CEP170: variants seen among roughly 807,000 people sequenced by gnomAD.
CEP170 encodes the protein centrosomal protein of 170 kDa.
CEP170 carries 21 observed loss-of-function variants against 151.9 expected under a neutral mutation model. That is an observed-to-expected ratio of 0.14 (90% CI 0.10 to 0.20). The LOEUF (loss-of-function observed/expected upper bound fraction) is 0.20. Ranked by LOEUF, CEP170 falls within the 10% of genes least tolerant of loss-of-function variation. The pLI is 1.00. For missense variants in CEP170, 964 were observed against 1,892.9 expected (o/e 0.51, Z 9.11); for synonymous variants, 356 against 648.8 (o/e 0.55, Z 6.86).
chr1:243,153,338 A>G (rs1298186443), intron 14 of CEP170, among the ~76,000 whole-genome samples: 1 of 152,232 alleles, frequency 6.6e-6, no homozygotes, highest in African/African-American at 2.4e-5. Context: ...TCGATAAGCC[A>G]GCGGCAGGGT....
intron 13 of CEP170, among the ~76,000 whole-genome samples, chr1:243,160,012 C>T (rs1005782405): frequency 1.3e-5 from 2 of 152,066 alleles, no homozygotes; most frequent in Admixed American, 1.3e-4. Context: ...TGATCTCGAA[C>T]TCCTGACATC....
intron 13 of CEP170, among the ~76,000 whole-genome samples, chr1:243,162,020 A>C (rs1257084307): frequency 6.6e-6 from 1 of 152,240 alleles, no homozygotes; most frequent in Non-Finnish European, 1.5e-5. Flanking sequence ...GTCTAATACT[A>C]TAAGTGGGTA....
intron 10 of CEP170, among the ~76,000 whole-genome samples, chr1:243,179,552 G>A (rs1373326700): frequency 2.0e-5 from 3 of 151,892 alleles, no homozygotes; most frequent in African/African-American, 7.3e-5. Context: ...AAGTTATTTT[G>A]GAATCAAGAT....
chr1:243,132,283 T>C (rs1052015530), intron 17 of CEP170, among the ~76,000 whole-genome samples: 3 of 152,222 alleles, frequency 2.0e-5, no homozygotes, highest in African/African-American at 7.2e-5. Context: ...CTTTGAATAG[T>C]ATCTTCTTCC....
intron 2 of CEP170, among the ~76,000 whole-genome samples, chr1:243,223,685 G>A (rs2063002441): frequency 6.6e-6 from 1 of 152,190 alleles, no homozygotes; most frequent in Admixed American, 6.5e-5. Context: ...GGGGATTAGG[G>A]AGTGAGGAGT....
intron 10 of CEP170, among the ~76,000 whole-genome samples, chr1:243,178,303 T>C (rs2059384604): frequency 1.1e-5 from 1 of 87,882 alleles, no homozygotes; most frequent in African/African-American, 5.3e-5. Context: ...AGCGAGACTC[T>C]GCCTCAAAAA....
intron 1 of CEP170, among the ~76,000 whole-genome samples, chr1:243,244,270 C>G (rs886773802): frequency 6.6e-6 from 1 of 151,944 alleles, no homozygotes; most frequent in African/African-American, 2.4e-5. Flanking sequence ...TGAAATTCAA[C>G]TGTCCTGTAC....
intron 12 of CEP170, among the ~76,000 whole-genome samples, chr1:243,168,929 A>G (rs528043242): frequency 1.3e-5 from 2 of 151,424 alleles, no homozygotes; most frequent in East Asian, 1.9e-4. Context: ...CACTCAATAA[A>G]TATCTGTTGT....
chr1:243,230,611 A>C (rs1480963239), intron 1 of CEP170, among the ~76,000 whole-genome samples: 1 of 152,184 alleles, frequency 6.6e-6, no homozygotes, highest in Non-Finnish European at 1.5e-5. Context: ...TAACTGAAGT[A>C]AGAAAAACTC....
chr1:243,240,234 T>A (rs941443706), intron 1 of CEP170, among the ~76,000 whole-genome samples: 1 of 152,110 alleles, frequency 6.6e-6, no homozygotes, highest in Admixed American at 6.5e-5. Flanking sequence ...TGCTTGAACC[T>A]GGGAGGTGGA....
chr1:243,239,419 G>A (rs10926976), intron 1 of CEP170, among the ~76,000 whole-genome samples: 61,852 of 151,846 alleles, frequency 0.41, 14,687 homozygotes, highest in East Asian at 0.66. Flanking sequence ...CTTGTCTCTA[G>A]CCTCCCACTC....
intron 8 of CEP170, among the ~76,000 whole-genome samples, chr1:243,186,777 A>G (rs1016834420): frequency 1.6e-4 from 25 of 152,200 alleles, no homozygotes; most frequent in African/African-American, 5.8e-4. Context: ...CATCTTATTT[A>G]GCAATAAAAA....
intron 1 of CEP170, among the ~76,000 whole-genome samples, chr1:243,235,997 C>A (rs970491651): frequency 6.6e-6 from 1 of 152,114 alleles, no homozygotes; most frequent in Non-Finnish European, 1.5e-5. Flanking sequence ...ACTGTACTAC[C>A]CTCATTAAAG....
rs183459459 is a variant in CEP170 at position 243,207,714 on chromosome 1, A to C, written c.274+4172T>G. ...TCTGAGCAAAATGGAATTAGAAATC[A>C]GTAACAGAAATATATCTGGAAAACT... On this transcript the variant is annotated intron_variant, in intron 4 of 19. Coordinates refer to ENST00000366542, the MANE Select transcript of CEP170 (RefSeq NM_014812.3). 2.7e-3 allele frequency among the ~76,000 whole-genome samples: 405 copies of C among 149,860 alleles called. 3 individuals carry two copies. Among genetic ancestry groups the C allele is most frequent in the African/African-American group, 9.5e-3 (385 of 40,688 alleles).
At chr1:243,136,860 A>G (rs2055143496) in intron 16 of CEP170, among the ~76,000 whole-genome samples, 1 of 150,672 alleles carries the variant, frequency 6.6e-6, no homozygotes, top group Non-Finnish European at 1.5e-5. Context: ...GAAATCAAGA[A>G]GAGTACAATC....
chr1:243,234,448 A>T (rs2149085503), intron 1 of CEP170, among the ~76,000 whole-genome samples: 1 of 152,276 alleles, frequency 6.6e-6, no homozygotes. Flanking sequence ...AATCAATGAA[A>T]ATCTAAACAA....
At chr1:243,237,355 A>G (rs143977788) in intron 1 of CEP170, among the ~76,000 whole-genome samples, 1 of 152,332 alleles carries the variant, frequency 6.6e-6, no homozygotes, top group African/African-American at 2.4e-5. Context: ...TAAAAAGATG[A>G]ATTTTAAATT....
At chr1:243,170,594 G>A (rs2058764860) in intron 11 of CEP170, among the ~76,000 whole-genome samples, 5 of 152,090 alleles carry the variant, frequency 3.3e-5, no homozygotes, top group African/African-American at 1.2e-4. Flanking sequence ...AGGAGTTCGA[G>A]ACCAGCCTGG....
chr1:243,191,580 C>T (rs1028076897), intron 7 of CEP170, 86 bp from the exon 8 acceptor site: 70 of 1,078,544 alleles, frequency 6.5e-5, no homozygotes, highest in African/African-American at 3.2e-5. Context: ...TGTACTACTC[C>T]GTGAGAACCA....
Sources: gnomAD v4.1 joint callset for allele counts (sites outside exome capture counted in the v4.1 genomes callset) on GRCh38, gnomAD v4.1.1 for gene constraint, MANE v1.5 for transcripts, NCBI Gene and HGNC (gene_info 2026-07-23, HGNC 2026-07-21) for gene names.